The following COL28A1 variants were observed in gnomAD, a reference collection of about 807,000 sequenced individuals.
COL28A1 encodes collagen alpha-1(XXVIII) chain.
COL28A1 carries 161 observed loss-of-function variants against 150.2 expected under a neutral mutation model. The ratio of observed to expected loss-of-function variants is 1.07; its 90% CI spans 0.94 to 1.22. The LOEUF (loss-of-function observed/expected upper bound fraction) is 1.22, where lower values mean the gene tolerates loss of function less well. Ranked by LOEUF, COL28A1 falls within the 50% of genes most tolerant of loss-of-function variation. The probability of loss-of-function intolerance (pLI) is 0.00; values close to 1 mark genes in which losing one functional copy is unlikely to be tolerated. For missense variants in COL28A1, 1,617 were observed against 1,388.3 expected (o/e 1.16, Z -2.62); for synonymous variants, 552 against 469.7 (o/e 1.18, Z -2.26).
intron 11 of COL28A1, among the ~76,000 whole-genome samples, chr7:7,501,221 G>T (rs750850085): frequency 1.3e-5 from 2 of 152,208 alleles, no homozygotes; most frequent in Non-Finnish European, 2.9e-5. Context: ...TATTATGAAC[G>T]TCCTAGAGTA....
In COL28A1 at chr7:7,373,608, G is replaced by T; in HGVS notation, c.2360-62C>A. 2.1e-6 allele frequency: 3 copies of T among 1,412,342 alleles called. No individual in the cohort carries two copies. Among genetic ancestry groups the T allele is most frequent in the Non-Finnish European group, 2.9e-6 (3 of 1,029,346 alleles). 87.5% of individuals were successfully genotyped at this position (1,412,342 alleles called of 1,614,324 possible). On this transcript the variant is annotated intron_variant, in intron 31 of 34. Transcript: ENST00000399429. The surrounding 1 kb of genome is among the most constrained non-coding windows in gnomAD (Gnocchi z 4.1). ...ATGATTGACATCAGATTGTTGAGGG[G>T]AGGGGAGAAAAAGTCAATGATGAAC...
At chr7:7,350,396 G>T in the COL28A1 span, among the ~76,000 whole-genome samples, 1 of 152,142 alleles carries the variant, frequency 6.6e-6, no homozygotes, top group Non-Finnish European at 1.5e-5. Flanking sequence ...ATATGTAATA[G>T]ACTTGGCCTC....
At chr7:7,537,348 A>C (rs925619014), upstream of COL28A1, among the ~76,000 whole-genome samples, 1 of 152,154 alleles carries the variant, frequency 6.6e-6, no homozygotes, top group African/African-American at 2.4e-5. Flanking sequence ...CCTGGAGAAA[A>C]CCCACACAGA....
chr7:7,407,907 T>G (rs1388732189), intron 27 of COL28A1, among the ~76,000 whole-genome samples: 2 of 151,986 alleles, frequency 1.3e-5, no homozygotes, highest in African/African-American at 2.4e-5. Context: ...CCAGTAAAAT[T>G]TAACCAAAGG....
At chr7:7,526,946 T>C (rs896303660) in intron 3 of COL28A1, among the ~76,000 whole-genome samples, 1 of 152,186 alleles carries the variant, frequency 6.6e-6, no homozygotes, top group African/African-American at 2.4e-5. Flanking sequence ...CAATAAGCAA[T>C]ATCTTAATCA....
intron 21 of COL28A1, among the ~76,000 whole-genome samples, chr7:7,439,884 A>G (rs1368350952): frequency 6.6e-6 from 1 of 152,224 alleles, no homozygotes; most frequent in Non-Finnish European, 1.5e-5. Context: ...CTGAATGGAC[A>G]CTGAAGTTTA....
chr7:7,449,695 A>C (rs76963331), intron 18 of COL28A1, among the ~76,000 whole-genome samples: 11,324 of 152,036 alleles, frequency 0.074, 453 homozygotes, highest in Middle Eastern at 0.15. Flanking sequence ...AAACAAAACA[A>C]AACAAAAAAA....
At chr7:7,462,624 C>T (rs570992251) in intron 15 of COL28A1, among the ~76,000 whole-genome samples, 8 of 152,204 alleles carry the variant, frequency 5.3e-5, no homozygotes, top group African/African-American at 1.7e-4. Context: ...TTTGGGAGGC[C>T]GAGGCAGATG....
chr7:7,420,010 T>C (rs55844997), intron 25 of COL28A1, 57 bp from the exon 26 acceptor site: 1 of 1,159,780 alleles, frequency 8.6e-7, no homozygotes, highest in South Asian at 1.6e-5. Flanking sequence ...TATGTTTTTT[T>C]CAATATATAT....
chr7:7,367,966 A>C (rs147738749), intron 33 of COL28A1, among the ~76,000 whole-genome samples: 124 of 151,984 alleles, frequency 8.2e-4, no homozygotes, highest in African/African-American at 2.8e-3. Context: ...ATATCCTGTT[A>C]ATTCTACCCT....
At chr7:7,389,921 T>C (rs554615348) in intron 27 of COL28A1, among the ~76,000 whole-genome samples, 9 of 152,324 alleles carry the variant, frequency 5.9e-5, no homozygotes, top group East Asian at 5.8e-4. Flanking sequence ...TTTCTAAATA[T>C]ACAACCACGT....
intron 14 of COL28A1, 108 bp downstream of exon 14, chr7:7,477,004 C>A: frequency 5.8e-6 from 4 of 694,554 alleles, no homozygotes; most frequent in Admixed American, 4.6e-5. Flanking sequence ...TAAAGATGGT[C>A]AGAAAAATAA....
At chr7:7,412,179 C>T (rs112832763) in intron 27 of COL28A1, among the ~76,000 whole-genome samples, 183 of 152,110 alleles carry the variant, frequency 1.2e-3, no homozygotes, top group Non-Finnish European at 2.0e-3. Flanking sequence ...GTCCTGGCCA[C>T]GAGTTTATGA....
chr7:7,542,287 C>T, the COL28A1 span, among the ~76,000 whole-genome samples: 1 of 152,122 alleles, frequency 6.6e-6, no homozygotes, highest in Non-Finnish European at 1.5e-5. Context: ...GCTGAGATGG[C>T]ACCACTGCAC....
chr7:7,398,826 G>A (rs140636511), intron 27 of COL28A1, among the ~76,000 whole-genome samples: 3 of 152,176 alleles, frequency 2.0e-5, no homozygotes, highest in South Asian at 2.1e-4. Context: ...CCATCTGCAC[G>A]ATGCAGTCTC....
At chr7:7,351,120 T>C in the COL28A1 span, among the ~76,000 whole-genome samples, 1 of 152,096 alleles carries the variant, frequency 6.6e-6, no homozygotes, top group African/African-American at 2.4e-5. Context: ...GTGGAATCCA[T>C]AAGAGTATAA....
intron 21 of COL28A1, among the ~76,000 whole-genome samples, chr7:7,438,311 T>C (rs943257170): frequency 6.6e-6 from 1 of 151,922 alleles, no homozygotes; most frequent in Non-Finnish European, 1.5e-5. Context: ...ATTTTAAACA[T>C]TTAGTGGGGG....
intron 30 of COL28A1, among the ~76,000 whole-genome samples, chr7:7,377,084 C>A (rs1158320962): frequency 1.3e-5 from 2 of 152,262 alleles, no homozygotes; most frequent in East Asian, 3.9e-4. Context: ...TTCTCTTGTG[C>A]AATCTGTGTA....
intron 18 of COL28A1, among the ~76,000 whole-genome samples, chr7:7,451,020 C>T (rs1474986990): frequency 6.6e-6 from 1 of 151,894 alleles, no homozygotes; most frequent in African/African-American, 2.4e-5. Context: ...TGATAAACAC[C>T]AAATTCATAA....
Sources: gnomAD v4.1 joint callset for allele counts (sites outside exome capture counted in the v4.1 genomes callset) on GRCh38, gnomAD v4.1.1 for gene constraint, Gnocchi (gnomAD v3.1) non-coding constraint, MANE v1.5 for transcripts, NCBI Gene and HGNC (gene_info 2026-07-23, HGNC 2026-07-21) for gene names.